CYP2J2: variants seen among roughly 807,000 people sequenced by gnomAD.
CYP2J2 encodes cytochrome P450 family 2 subfamily J member 2.
CYP2J2 carries 41 observed loss-of-function variants against 48.8 expected under a neutral mutation model. The ratio of observed to expected loss-of-function variants is 0.84; its 90% CI spans 0.66 to 1.09. The LOEUF (loss-of-function observed/expected upper bound fraction) is 1.09. Among genes scored for constraint, CYP2J2 ranks in the 50% least tolerant of loss-of-function variants. CYP2J2 has a pLI of 0.00. For missense variants in CYP2J2, 644 were observed against 617.3 expected, an observed-to-expected ratio of 1.04 and a Z score of -0.46; for synonymous variants, 221 against 227.1, an observed-to-expected ratio of 0.97 and a Z score of 0.24.
chr1:59,961,972 T>C, the CYP2J2 span, among the ~76,000 whole-genome samples: 1 of 151,948 alleles, frequency 6.6e-6, no homozygotes, highest in Non-Finnish European at 1.5e-5. Flanking sequence ...ATGAGGTAGA[T>C]AATAAGGAGT....
At chr1:59,897,058 G>A (rs1373753216) in intron 8 of CYP2J2, among the ~76,000 whole-genome samples, 1 of 152,136 alleles carries the variant, frequency 6.6e-6, no homozygotes, top group South Asian at 2.1e-4. Context: ...ATGCAAAAAT[G>A]CTTAGTAAAG....
the CYP2J2 span, among the ~76,000 whole-genome samples, chr1:59,949,238 C>A: frequency 3.3e-5 from 5 of 152,000 alleles, no homozygotes; most frequent in African/African-American, 1.2e-4. Flanking sequence ...TATGTTTTTG[C>A]GTGTGCATGG....
At chr1:59,935,294 C>A in the CYP2J2 span, among the ~76,000 whole-genome samples, 4 of 151,874 alleles carry the variant, frequency 2.6e-5, no homozygotes, top group African/African-American at 9.6e-5. Flanking sequence ...TACACACCTG[C>A]AGTTATAAGA....
At chr1:59,912,447 C>T (rs1574255121) in intron 2 of CYP2J2, 136 bp from the exon 3 acceptor site, 1 of 901,192 alleles carries the variant, frequency 1.1e-6, no homozygotes, top group East Asian at 2.5e-5. Context: ...GAGAAATAAT[C>T]CCAAAGCAAT....
intron 1 of CYP2J2, among the ~76,000 whole-genome samples, chr1:59,917,624 T>C (rs1644478354): frequency 6.6e-6 from 1 of 151,918 alleles, no homozygotes; most frequent in African/African-American, 2.4e-5. Context: ...GTGAGAGAGT[T>C]GGGGTGGGAG....
chr1:59,924,838 A>G (rs1422331729), intron 1 of CYP2J2, among the ~76,000 whole-genome samples: 3 of 152,120 alleles, frequency 2.0e-5, no homozygotes, highest in Non-Finnish European at 1.5e-5. Flanking sequence ...TAAATAGTCT[A>G]CATTCACCAA....
intron 6 of CYP2J2, among the ~76,000 whole-genome samples, chr1:59,907,077 T>C (rs1405325562): frequency 6.6e-6 from 1 of 152,186 alleles, no homozygotes; most frequent in East Asian, 1.9e-4. Context: ...GAGTGGACTA[T>C]AGTCTGTGGG....
intron 1 of CYP2J2, among the ~76,000 whole-genome samples, chr1:59,923,615 G>C (rs899535082): frequency 5.3e-5 from 8 of 151,978 alleles, no homozygotes; most frequent in African/African-American, 1.9e-4. Context: ...AGATAAAGAA[G>C]AACCAAGTGA....
chr1:59,912,180 C>T lies in CYP2J2; in HGVS notation c.505G>A (p.Ala169Thr). 1 of 1,613,284 alleles carries T rather than the reference C, an allele frequency of 6.2e-7. No homozygotes were observed. The highest frequency in any genetic ancestry group is 8.5e-7 in the Non-Finnish European group (1 of 1,179,618). ...TGCTCACCGTTCTCCTCTTTTATTG[C>T]TTCAGTGAGGTGTTGGGCCTCCTCC... Reference protein sequence around the residue: ...IQEEAQHLTEAIKEENGQPFD... With the variant: ...IQEEAQHLTETIKEENGQPFD... The change falls in exon 3 of 9, where the codon GCA (alanine) becomes ACA (threonine). Residue 169 changes from alanine to threonine, a missense_variant. Ala to Thr is a moderately conservative substitution (Grantham distance 58, BLOSUM62 0). Coordinates refer to ENST00000371204, the MANE Select transcript of CYP2J2 (RefSeq NM_000775.4).
the CYP2J2 span, among the ~76,000 whole-genome samples, chr1:59,963,904 A>G: frequency 6.6e-6 from 1 of 152,186 alleles, no homozygotes; most frequent in African/African-American, 2.4e-5. Flanking sequence ...TATCTGTTAT[A>G]CTCTGTGAGT....
At chr1:59,904,149 G>T (rs980777487) in intron 7 of CYP2J2, among the ~76,000 whole-genome samples, 3 of 152,120 alleles carry the variant, frequency 2.0e-5, no homozygotes, top group African/African-American at 7.2e-5. Flanking sequence ...GAGGTGGGTG[G>T]ATCACGAGGT....
At chr1:59,962,781 C>T in the CYP2J2 span, among the ~76,000 whole-genome samples, 55 of 152,292 alleles carry the variant, frequency 3.6e-4, no homozygotes, top group African/African-American at 1.3e-3. Flanking sequence ...TCCACCAGAA[C>T]ACTACGTTGA....
chr1:59,897,141 T>C (rs990134536), intron 8 of CYP2J2, among the ~76,000 whole-genome samples: 4 of 152,244 alleles, frequency 2.6e-5, no homozygotes, highest in Non-Finnish European at 5.9e-5. Flanking sequence ...CTAATTCATC[T>C]CGGTTCCCCT....
rs188871120 is a variant in CYP2J2, at chr1:59,906,550, T to C, written c.1003+1236A>G. On this transcript the variant is annotated intron_variant, in intron 6 of 8. Transcript: ENST00000371204. ...TAACATAAAATTTACTATGTTAGCA[T>C]TTTTAAATGAACAGTTCAGTAGTAT... Among the ~76,000 whole-genome samples the C allele has an allele frequency of 8.9e-4, 135 of 152,304 alleles. 1 individual carries two copies. Among genetic ancestry groups the C allele is most frequent in the African/African-American group, 3.0e-3 (126 of 41,560 alleles).
chr1:59,943,274 T>C, the CYP2J2 span, among the ~76,000 whole-genome samples: 2 of 151,872 alleles, frequency 1.3e-5, no homozygotes, highest in Non-Finnish European at 2.9e-5. Context: ...AGCTTAGAAG[T>C]AGAAGAGAGG....
intron 8 of CYP2J2, among the ~76,000 whole-genome samples, chr1:59,895,087 G>C (rs1166633984): frequency 1.3e-5 from 2 of 152,196 alleles, no homozygotes; most frequent in African/African-American, 4.8e-5. Flanking sequence ...CTCCAACATA[G>C]TCAAAATGCA....
chr1:59,936,176 A>C, the CYP2J2 span, among the ~76,000 whole-genome samples: 1 of 152,252 alleles, frequency 6.6e-6, no homozygotes, highest in Non-Finnish European at 1.5e-5. Flanking sequence ...AATTCTTAGA[A>C]CAGACTTCAG....
At chr1:59,900,133 A>C (rs1345966774) in intron 8 of CYP2J2, among the ~76,000 whole-genome samples, 1 of 152,240 alleles carries the variant, frequency 6.6e-6, no homozygotes, top group African/African-American at 2.4e-5. Context: ...AATGAATTAA[A>C]ATTTACAAAG....
the CYP2J2 span, among the ~76,000 whole-genome samples, chr1:59,961,199 A>G: frequency 2.2e-4 from 34 of 152,234 alleles, no homozygotes; most frequent in East Asian, 1.7e-3. Context: ...AAGTGCCAAG[A>G]CAACATACAG....
Sources: allele counts gnomAD v4.1 joint callset (sites outside exome capture counted in the v4.1 genomes callset), GRCh38; gene constraint gnomAD v4.1.1; transcripts MANE v1.5; gene names NCBI Gene and HGNC (gene_info 2026-07-23, HGNC 2026-07-21).